Variants in RDH11 observed in about 807,000 individuals in gnomAD.
The protein encoded by RDH11 is retinol dehydrogenase 11.
A neutral mutation model predicts 33.4 loss-of-function variants in RDH11; 19 were observed. That is an observed-to-expected ratio of 0.57 (90% CI 0.40 to 0.83). The LOEUF (loss-of-function observed/expected upper bound fraction) is 0.83. Among genes scored for constraint, RDH11 ranks in the 40% least tolerant of loss-of-function variants. The probability of loss-of-function intolerance (pLI) is 0.00; values close to 1 mark genes in which losing one functional copy is unlikely to be tolerated. For synonymous variants in RDH11, 154 were observed against 155.3 expected, an observed-to-expected ratio of 0.99 and a Z score of 0.06; for missense variants, 353 against 389.0, an observed-to-expected ratio of 0.91 and a Z score of 0.78.
chr14:67,683,753 T>G (rs1310674856), intron 6 of RDH11, among the ~76,000 whole-genome samples: 1 of 152,242 alleles, frequency 6.6e-6, no homozygotes, highest in Non-Finnish European at 1.5e-5. Context: ...TGACTGCCAC[T>G]CTGACACTTC....
intron 3 of RDH11, chr14:67,692,230 T>A: frequency 1.8e-6 from 1 of 555,556 alleles, no homozygotes; most frequent in Non-Finnish European, 3.2e-6. Context: ...CTCACTGCTA[T>A]GACGTTTTGA....
At chr14:67,678,978 G>A (rs1040006876) in intron 6 of RDH11, among the ~76,000 whole-genome samples, 7 of 152,212 alleles carry the variant, frequency 4.6e-5, no homozygotes, top group African/African-American at 1.7e-4. Context: ...AAGGTACGAG[G>A]TGTCTTGGTC....
rs1256615411 is a variant in RDH11, at chr14:67,691,233, G to A, written c.361C>T (p.Leu121Phe). 1.2e-6 allele frequency: 2 copies of A among 1,613,324 alleles called. No homozygotes were observed. Among genetic ancestry groups the A allele is most frequent in the Admixed American group, 3.3e-5 (2 of 60,002 alleles). ...AKGFLAEEKHLHVLINNAGVM... is the reference protein window; with the variant it reads ...AKGFLAEEKHFHVLINNAGVM... ...CCTGCATTGTTGATCAAAACGTGGA[G>A]GTGCTTTTCCTCTGCAGGGACAAGA... Residue 121 changes from leucine (L) to phenylalanine (F), a missense_variant, in exon 4 of 7, where the codon CTC becomes TTC. Leu to Phe is a conservative substitution (Grantham distance 22). Transcript: ENST00000381346.
chr14:67,683,080 C>A (rs1350119112), intron 6 of RDH11, among the ~76,000 whole-genome samples: 1 of 152,088 alleles, frequency 6.6e-6, no homozygotes, highest in African/African-American at 2.4e-5. Context: ...GAAAGAAGAG[C>A]CAGTGCAAAA....
intron 4 of RDH11, 55 bp from the exon 5 acceptor site, chr14:67,690,476 G>GGCCTGCTCACCACGAC: frequency 6.7e-7 from 1 of 1,498,350 alleles, no homozygotes; most frequent in African/African-American, 1.4e-5. Context: ...AATGACAGGA[G>GGCCTGCTCACCACGAC]TCGTGGTGAG....
chr14:67,688,097 CTCTAATCCATTTAATT>C (rs2037704225), intron 5 of RDH11, among the ~76,000 whole-genome samples: 1 of 152,020 alleles, frequency 6.6e-6, no homozygotes, highest in Non-Finnish European at 1.5e-5. Flanking sequence ...CTATCAGTAC[CTCTAATCCATTTAATT>C]TCTAATCATC....
intron 5 of RDH11, among the ~76,000 whole-genome samples, chr14:67,686,408 G>A (rs1351250563): frequency 6.6e-6 from 1 of 152,056 alleles, no homozygotes; most frequent in Non-Finnish European, 1.5e-5. Context: ...GGAGGCCAAG[G>A]CAGGTGGACT....
intron 5 of RDH11, among the ~76,000 whole-genome samples, chr14:67,689,291 T>A (rs1479578660): frequency 6.6e-6 from 1 of 152,260 alleles, no homozygotes; most frequent in Non-Finnish European, 1.5e-5. Flanking sequence ...CTGTGCCTGA[T>A]TCCTTGAGCC....
At chr14:67,690,738 C>T (rs1270208875) in intron 4 of RDH11, 3 of 393,626 alleles carry the variant, frequency 7.6e-6, no homozygotes, top group African/African-American at 6.1e-5. Context: ...AATCTCAGCA[C>T]TTAAAGAGGC....
chr14:67,685,551 G>T (rs141292710), intron 5 of RDH11, among the ~76,000 whole-genome samples: 7 of 152,116 alleles, frequency 4.6e-5, no homozygotes, highest in African/African-American at 1.7e-4. Flanking sequence ...TTGAACTCCT[G>T]GCATCAAACA....
At chr14:67,680,530 C>A (rs777067471) in intron 6 of RDH11, among the ~76,000 whole-genome samples, 1 of 152,082 alleles carries the variant, frequency 6.6e-6, no homozygotes, top group Non-Finnish European at 1.5e-5. Flanking sequence ...GTGGTGTGAT[C>A]GCAGCTCACT....
Position 67,678,411 on chromosome 14 carries a change from C to A in RDH11, c.867G>T (p.Val289=). 1 of 1,612,702 alleles carries A rather than the reference C, an allele frequency of 6.2e-7. No individual in the cohort carries two copies. The highest frequency in any genetic ancestry group is 1.1e-5 in the South Asian group (1 of 91,024). ...LSGNHFSDCH[V]AWVSAQARNE... ...TACGAGCTTGGGCAGAGACCCATGC[C>A]ACATGACAGTCACTGGAAGGTAAAG... The change falls in exon 7 of 7, where the codon GTG becomes GTT. Residue 289 remains valine (V), a synonymous_variant. Transcript: ENST00000381346.
chr14:67,692,914 T>C lies in RDH11; in HGVS notation c.193+20A>G, dbSNP rs764676171. ...GTAAAACAGCAGTAATAGGAGGGAATTGAAAGGAGGTGAACTTGCCTCTCT... is the reference window on the plus strand; with the variant it reads ...GTAAAACAGCAGTAATAGGAGGGAACTGAAAGGAGGTGAACTTGCCTCTCT... On this transcript the variant is annotated intron_variant, in intron 2 of 6. Coordinates refer to ENST00000381346, the MANE Select transcript of RDH11 (RefSeq NM_016026.4). 18 of 1,477,936 alleles carry C rather than the reference T, an allele frequency of 1.2e-5. No individual in the cohort carries two copies. The Admixed American group carries it at 1.5e-4, about 13-fold the overall frequency. The allele number at this position is 1,477,936 out of a possible 1,614,324, so 91.6% of individuals were successfully genotyped here.
chr14:67,680,545 C>T (rs565132551), intron 6 of RDH11, among the ~76,000 whole-genome samples: 1 of 152,254 alleles, frequency 6.6e-6, no homozygotes, highest in East Asian at 1.9e-4. Flanking sequence ...CTCACTACAA[C>T]CTCCCCAGGC....
intron 6 of RDH11, 69 bp downstream of exon 6, chr14:67,684,946 A>T: frequency 7.6e-7 from 1 of 1,309,118 alleles, no homozygotes. Context: ...AAAAGGGTAT[A>T]CCCAGACAAA....
chr14:67,676,860 TAATC>T lies in RDH11; in HGVS notation c.*1457_*1460del, dbSNP rs1269995719. The T allele has an allele frequency of 1.3e-5, 2 of 152,188 alleles. No homozygotes were observed. The highest frequency in any genetic ancestry group is 6.5e-5 in the Admixed American group (1 of 15,274). 9.4% of individuals were successfully genotyped at this position (152,188 alleles called of 1,614,324 possible). Reference sequence around the variant, plus strand: ...TATTCTGGTAAATGAAAACAAAAAATAATCAAAAAGAATTTTTATTTGTCATTGA... The same window carrying T: ...TATTCTGGTAAATGAAAACAAAAAATAAAAAGAATTTTTATTTGTCATTGA... On this transcript the variant is annotated 3_prime_UTR_variant, in exon 7 of 7. Transcript: ENST00000381346.
At position 67,677,210 on chromosome 14, in the gene RDH11, A is replaced by G. The variant is rs376098006; in HGVS notation, c.*1111T>C. On this transcript the variant is annotated 3_prime_UTR_variant, in exon 7 of 7. Coordinates refer to ENST00000381346, the MANE Select transcript of RDH11 (RefSeq NM_016026.4). ...CTTTTGATAAGAAGTCTCCAAATAA[A>G]ATACAAAATTTTGGCACAGACATTT... 6 of 152,298 alleles carry G rather than the reference A, an allele frequency of 3.9e-5. No homozygotes were observed. In the East Asian group the frequency reaches 5.8e-4, roughly 15 times the overall value. The allele number at this position is 152,298 out of a possible 1,614,324, so 9.4% of individuals were successfully genotyped here.
intron 3 of RDH11, chr14:67,692,177 C>G (rs2037758413): frequency 2.4e-6 from 1 of 414,124 alleles, no homozygotes; most frequent in South Asian, 2.6e-5. Context: ...AAAGCCTGTA[C>G]TGAGTGCTGA....
chr14:67,694,465 C>CACAT (rs1484366011), intron 1 of RDH11, among the ~76,000 whole-genome samples: 5 of 103,096 alleles, frequency 4.8e-5, no homozygotes, highest in South Asian at 2.8e-4. Flanking sequence ...CACACACACA[C>CACAT]ATATATATAT....
Sources: allele counts gnomAD v4.1 joint callset (sites outside exome capture counted in the v4.1 genomes callset), GRCh38; gene constraint gnomAD v4.1.1; transcripts MANE v1.5; gene names NCBI Gene and HGNC (gene_info 2026-07-23, HGNC 2026-07-21).